The following IL31RA variants were observed in gnomAD, a reference collection of about 807,000 sequenced individuals.
IL31RA encodes the protein interleukin-31 receptor subunit alpha.
In IL31RA, 66 loss-of-function variants were observed where a neutral mutation model predicts 83.7. The ratio of observed to expected loss-of-function variants is 0.79; its 90% confidence interval spans 0.65 to 0.97. The LOEUF is 0.97. IL31RA is among the 50% of genes least tolerant of loss of function. The probability of loss-of-function intolerance (pLI) is 0.00; values close to 1 mark genes in which losing one functional copy is unlikely to be tolerated. For synonymous variants in IL31RA, 325 were observed against 329.0 expected (o/e 0.99, Z 0.13); for missense variants, 798 against 919.4 (o/e 0.87, Z 1.71).
At chr5:55,884,580 A>G (rs1747462176) in intron 5 of IL31RA, among the ~76,000 whole-genome samples, 1 of 152,134 alleles carries the variant, frequency 6.6e-6, no homozygotes, top group Admixed American at 6.5e-5. Flanking sequence ...GACTACAGGC[A>G]TATGCCACCA....
At chr5:55,875,478 T>C (rs754723260) in intron 4 of IL31RA, among the ~76,000 whole-genome samples, 4 of 152,174 alleles carry the variant, frequency 2.6e-5, no homozygotes, top group Non-Finnish European at 5.9e-5. Context: ...AGTGAAGCCA[T>C]CTGGGCCTGG....
chr5:55,884,850 T>C (rs974210574), intron 5 of IL31RA, among the ~76,000 whole-genome samples: 1 of 152,230 alleles, frequency 6.6e-6, no homozygotes. Context: ...TTCAGGTGTT[T>C]TATTTATTCT....
intron 4 of IL31RA, among the ~76,000 whole-genome samples, chr5:55,881,778 A>C (rs1747254620): frequency 8.9e-6 from 1 of 111,922 alleles, no homozygotes; most frequent in African/African-American, 3.5e-5. Flanking sequence ...CCCAGGCTGG[A>C]GTGTGGTGGT....
intron 1 of IL31RA, among the ~76,000 whole-genome samples, chr5:55,854,418 G>C (rs796147115): frequency 1.2e-4 from 19 of 152,218 alleles, no homozygotes; most frequent in African/African-American, 4.3e-4. Flanking sequence ...AATTTCATTT[G>C]ATTTAACCTA....
chr5:55,899,106 C>G lies in IL31RA; in HGVS notation c.853-810C>G, dbSNP rs548193208. On this transcript the variant is annotated intron_variant, in intron 7 of 14. Transcript: ENST00000652347. ...CTCCTGGTCATTAGGAAGATTCTAG[C>G]TGACCTTTTATGCCTAGACATAAAA... Among the ~76,000 whole-genome samples the G allele has an allele frequency of 2.0e-5, 3 of 152,260 alleles. No homozygotes were observed. The South Asian group carries it at 6.2e-4, about 32-fold the overall frequency.
chr5:55,849,002 A>C (rs562473897), upstream of IL31RA, among the ~76,000 whole-genome samples: 1 of 152,370 alleles, frequency 6.6e-6, no homozygotes, highest in South Asian at 2.1e-4. Context: ...ACTGAGAATG[A>C]CATCTATTTC....
At chr5:55,900,207 A>G in intron 8 of IL31RA, 75 bp downstream of exon 8, 1 of 1,053,840 alleles carries the variant, frequency 9.5e-7, no homozygotes, top group Non-Finnish European at 1.5e-6. Flanking sequence ...TGTGCTCTCA[A>G]GGGTGGCTGT....
intron 2 of IL31RA, among the ~76,000 whole-genome samples, chr5:55,863,142 A>T (rs1271707558): frequency 6.6e-6 from 1 of 152,218 alleles, no homozygotes; most frequent in African/African-American, 2.4e-5. Context: ...GAAGTCTAAC[A>T]TTGTTGATTT....
At chr5:55,899,402 G>A (rs748112914) in intron 7 of IL31RA, among the ~76,000 whole-genome samples, 4 of 152,180 alleles carry the variant, frequency 2.6e-5, no homozygotes, top group Non-Finnish European at 4.4e-5. Flanking sequence ...CTGGCAGTGC[G>A]GCCCTCTTAG....
Position 55,919,255 on chromosome 5 carries a change from T to C in IL31RA, c.*2135T>C, listed in dbSNP as rs73756155. On this transcript the variant is annotated 3_prime_UTR_variant, in exon 15 of 15. Transcript: ENST00000652347. ...GAATTTTCTCAAATTCTGTGGGAGG[T>C]GGGTGAGAGGAGAGCCTGGAACAAG... 0.024 allele frequency among the ~76,000 whole-genome samples: 3,726 copies of C among 152,156 alleles called. 156 individuals are homozygous for C. The highest frequency in any genetic ancestry group is 0.085 in the African/African-American group (3,534 of 41,496).
At chr5:55,841,589 T>C in the IL31RA span, among the ~76,000 whole-genome samples, 1 of 152,334 alleles carries the variant, frequency 6.6e-6, no homozygotes, top group Admixed American at 6.5e-5. Context: ...CTCTCTTTGC[T>C]TTTATTCACT....
intron 5 of IL31RA, among the ~76,000 whole-genome samples, chr5:55,886,957 T>C (rs898065547): frequency 1.3e-5 from 2 of 152,230 alleles, no homozygotes; most frequent in Admixed American, 1.3e-4. Flanking sequence ...GCATTTCAAC[T>C]TTCTCTTCCA....
chr5:55,886,295 G>C (rs546419384), intron 5 of IL31RA, among the ~76,000 whole-genome samples: 8 of 94,384 alleles, frequency 8.5e-5, no homozygotes, highest in South Asian at 3.3e-4. Flanking sequence ...TTTTTTTGAG[G>C]TGGAGTTTCA....
In IL31RA at chr5:55,867,239, G is replaced by T. The variant is rs1561543475; in HGVS notation, c.155-1552G>T. Among the ~76,000 whole-genome samples the T allele has an allele frequency of 1.0e-3, 121 of 115,840 alleles. 2 individuals are homozygous for T. In the Middle Eastern group the frequency reaches 0.012, roughly 12 times the overall value. 76.0% of individuals were successfully genotyped at this position (115,840 alleles called of 152,430 possible). On this transcript the variant is annotated intron_variant, in intron 2 of 14. Transcript: ENST00000652347. ...TGTGTGTTTGTGTGTGTGTTTGTGT[G>T]TGTGTTTGTGTGTGCGTGTGTTTGT...
chr5:55,849,956 G>C (rs1238732103), upstream of IL31RA, among the ~76,000 whole-genome samples: 2 of 152,162 alleles, frequency 1.3e-5, no homozygotes, highest in Admixed American at 1.3e-4. Context: ...TTTCAAGAAC[G>C]TTGTTTTACC....
In IL31RA at chr5:55,898,327, G is replaced by A. The variant is rs953514039; in HGVS notation, c.853-1589G>A. Among the ~76,000 whole-genome samples the A allele has an allele frequency of 4.6e-4, 21 of 45,978 alleles. No individual in the cohort carries two copies. The South Asian group carries it at 0.012, about 26-fold the overall frequency. 30.2% of individuals were successfully genotyped at this position (45,978 alleles called of 152,430 possible). A position where few individuals can be genotyped will look rare whatever the true frequency, so the allele number is the denominator to read the frequency against. ...GTCTTTTTCTCCACACCACCCCCCC[G>A]CCCCCCCGCACCTTCAAAAGGAAAG... On this transcript the variant is annotated intron_variant, in intron 7 of 14. Coordinates refer to ENST00000652347, the MANE Select transcript of IL31RA (RefSeq NM_139017.7).
At chr5:55,863,337 T>G (rs1346586673) in intron 2 of IL31RA, among the ~76,000 whole-genome samples, 1 of 152,224 alleles carries the variant, frequency 6.6e-6, no homozygotes, top group Non-Finnish European at 1.5e-5. Context: ...GGGAGAGTTG[T>G]TTATGCTGTA....
At chr5:55,914,745 A>G in intron 13 of IL31RA, 102 bp from the exon 14 acceptor site, 2 of 889,476 alleles carry the variant, frequency 2.2e-6, no homozygotes, top group South Asian at 1.3e-5. Context: ...TAGGAGGGAA[A>G]CTTACAATTC....
upstream of IL31RA, among the ~76,000 whole-genome samples, chr5:55,847,260 T>A (rs1319048293): frequency 1.5e-5 from 2 of 132,420 alleles, no homozygotes; most frequent in Admixed American, 7.9e-5. Flanking sequence ...AATAAATAAA[T>A]AAATAAATAA....
Sources: gnomAD v4.1 joint callset for allele counts (sites outside exome capture counted in the v4.1 genomes callset) on GRCh38, gnomAD v4.1.1 for gene constraint, MANE v1.5 for transcripts, NCBI Gene and HGNC (gene_info 2026-07-23, HGNC 2026-07-21) for gene names.